The following CALN1 variants were observed in gnomAD, a reference collection of about 807,000 sequenced individuals.
CALN1 encodes calneuron 1, also known as calcium-binding protein 8.
Under a neutral mutation model 30.6 loss-of-function variants are expected in CALN1, and 17 were observed. The ratio of observed to expected loss-of-function variants is 0.56; its 90% CI spans 0.38 to 0.83. The LOEUF is 0.83. CALN1 is among the 40% of genes least tolerant of loss of function. The probability of loss-of-function intolerance (pLI) is 0.00; values close to 1 mark genes in which losing one functional copy is unlikely to be tolerated. For synonymous variants in CALN1, 156 were observed against 131.4 expected (o/e 1.19, Z -1.28); for missense variants, 291 against 354.9 (o/e 0.82, Z 1.45).
At position 72,278,714 on chromosome 7, in the gene CALN1, C is replaced by T. The variant is rs536200086; in HGVS notation, c.216G>A (p.Leu72=). Residue 72 remains leucine, a synonymous_variant, in exon 3 of 7, where the codon CTG becomes CTA. Transcript: ENST00000395275. ...CGAGCTCCTCCACGGAGATATTAGC[C>T]AGCTGTTCGCTGTCACTGCCAGCAG... ...SLSAGSDSEQ[L]ANISVEELDE... 2 of 1,613,910 alleles carry T rather than the reference C, an allele frequency of 1.2e-6. No individual in the cohort carries two copies. Among genetic ancestry groups the T allele is most frequent in the Non-Finnish European group, 1.7e-6 (2 of 1,179,810 alleles).
chr7:72,393,482 A>T (rs1460821784), intron 2 of CALN1, among the ~76,000 whole-genome samples: 1 of 152,110 alleles, frequency 6.6e-6, no homozygotes, highest in Non-Finnish European at 1.5e-5. Context: ...AAACAAACAA[A>T]AAAACTAGCA....
chr7:72,403,445 G>A lies in CALN1; in HGVS notation c.-73-3C>T, dbSNP rs2129562156. 1 of 1,195,810 alleles carries A rather than the reference G, an allele frequency of 8.4e-7. No homozygotes were observed. The highest frequency in any genetic ancestry group is 1.2e-6 in the Non-Finnish European group (1 of 856,998). The allele number at this position is 1,195,810 out of a possible 1,614,324, so 74.1% of individuals were successfully genotyped here. On this transcript the variant is annotated splice_region_variant and splice_polypyrimidine_tract_variant and intron_variant, in intron 1 of 6. Coordinates refer to ENST00000395275, the MANE Select transcript of CALN1 (RefSeq NM_031468.4). ...ACGTCAGCGAAGGCACTGAGACTCT[G>A]AAAGGAGTTGACAGAAACTTACAGC...
intron 4 of CALN1, among the ~76,000 whole-genome samples, chr7:72,051,199 GTTAT>G (rs1290013793): frequency 6.6e-6 from 1 of 151,800 alleles, no homozygotes; most frequent in Non-Finnish European, 1.5e-5. Context: ...CAAAAAGAGA[GTTAT>G]TTGAGAAAAC....
intron 3 of CALN1, among the ~76,000 whole-genome samples, chr7:72,218,912 T>C (rs1038547256): frequency 3.3e-5 from 5 of 152,138 alleles, no homozygotes; most frequent in African/African-American, 1.2e-4. Context: ...TAAAAAGTCA[T>C]GGAGTTCAGG....
intron 5 of CALN1, among the ~76,000 whole-genome samples, chr7:71,951,875 G>C (rs1466102095): frequency 6.6e-6 from 1 of 152,052 alleles, no homozygotes; most frequent in Non-Finnish European, 1.5e-5. Flanking sequence ...CTTGCAGAAT[G>C]GTGGATCTTC....
At chr7:72,242,027 T>C (rs1052659065) in intron 3 of CALN1, among the ~76,000 whole-genome samples, 11 of 152,326 alleles carry the variant, frequency 7.2e-5, no homozygotes, top group Middle Eastern at 3.4e-3. Context: ...CTGCACTTGT[T>C]AAACAACCCT....
chr7:72,395,016 CG>C (rs1412539944), intron 2 of CALN1, among the ~76,000 whole-genome samples: 1 of 152,112 alleles, frequency 6.6e-6, no homozygotes, highest in East Asian at 1.9e-4. Context: ...TGCACATCTG[CG>C]TATGTGTGTC....
At chr7:72,447,489 C>A (rs553902851), upstream of CALN1, among the ~76,000 whole-genome samples, 1 of 152,226 alleles carries the variant, frequency 6.6e-6, no homozygotes, top group East Asian at 1.9e-4. Flanking sequence ...AGGGAAAGAG[C>A]GGGGCTCCGT....
chr7:72,050,986 C>A (rs1037146400), intron 4 of CALN1, among the ~76,000 whole-genome samples: 3 of 145,444 alleles, frequency 2.1e-5, no homozygotes, highest in African/African-American at 7.7e-5. Context: ...CAGAGCAAGA[C>A]TCCACCACAA....
chr7:72,045,461 T>G (rs1234178847), intron 4 of CALN1, among the ~76,000 whole-genome samples: 3 of 152,170 alleles, frequency 2.0e-5, no homozygotes, highest in Admixed American at 2.0e-4. Context: ...GGGAAGAAGT[T>G]TCAGCACCTG....
At chr7:72,013,850 T>C (rs1424178257) in intron 5 of CALN1, among the ~76,000 whole-genome samples, 2 of 152,018 alleles carry the variant, frequency 1.3e-5, no homozygotes, top group South Asian at 2.1e-4. Context: ...ATCTTTATAA[T>C]TGCATTTTCC....
intron 4 of CALN1, among the ~76,000 whole-genome samples, chr7:72,076,610 GCAAAAA>G (rs1804751985): frequency 4.0e-3 from 3 of 746 alleles, no homozygotes; most frequent in Non-Finnish European, 6.3e-3. Flanking sequence ...AAAAAAAAAA[GCAAAAA>G]AAAAAAAAAA....
intron 5 of CALN1, among the ~76,000 whole-genome samples, chr7:71,847,199 T>C (rs1790314473): frequency 6.6e-6 from 1 of 151,926 alleles, no homozygotes; most frequent in South Asian, 2.1e-4. Flanking sequence ...TGATATGGTT[T>C]AGCTGTGTCC....
intron 3 of CALN1, among the ~76,000 whole-genome samples, chr7:72,208,934 G>A (rs991778682): frequency 2.6e-5 from 4 of 151,978 alleles, no homozygotes; most frequent in Non-Finnish European, 5.9e-5. Context: ...TTCCAGTCAT[G>A]TTCTGTTTCT....
intron 2 of CALN1, among the ~76,000 whole-genome samples, chr7:72,353,793 A>G (rs1006901755): frequency 6.6e-6 from 1 of 152,206 alleles, no homozygotes; most frequent in Non-Finnish European, 1.5e-5. Context: ...GATTGTGTAA[A>G]TTAAAAAATA....
chr7:72,308,372 GGAGAGAGAGAGAGAGAGAGA>G (rs150660773), intron 2 of CALN1, among the ~76,000 whole-genome samples: 2 of 92,624 alleles, frequency 2.2e-5, no homozygotes, highest in Admixed American at 1.1e-4. Context: ...TGTGGGGGGG[GGAGAGAGAGAGAGAGAGAGA>G]GAGAGAGAGA....
chr7:72,039,312 G>GTTGGATGAGC, intron 4 of CALN1, among the ~76,000 whole-genome samples: 1 of 152,296 alleles, frequency 6.6e-6, no homozygotes, highest in South Asian at 2.1e-4. Flanking sequence ...TAGGTGGCGT[G>GTTGGATGAGC]TTGGATGAGC....
intron 3 of CALN1, among the ~76,000 whole-genome samples, chr7:72,229,028 GT>G (rs1793892493): frequency 6.6e-6 from 1 of 151,094 alleles, no homozygotes; most frequent in African/African-American, 2.4e-5. Flanking sequence ...TCCTCCTGAA[GT>G]GCTAGAATTA....
intron 5 of CALN1, among the ~76,000 whole-genome samples, chr7:71,907,587 G>T (rs1212677791): frequency 6.6e-6 from 1 of 152,126 alleles, no homozygotes; most frequent in Non-Finnish European, 1.5e-5. Flanking sequence ...TAACTTCTGG[G>T]CCCTGAAGTC....
Sources: gnomAD v4.1 joint callset for allele counts (sites outside exome capture counted in the v4.1 genomes callset) on GRCh38, gnomAD v4.1.1 for gene constraint, MANE v1.5 for transcripts, NCBI Gene and HGNC (gene_info 2026-07-23, HGNC 2026-07-21) for gene names.